Variants in SART3 observed in about 807,000 individuals in gnomAD.
The protein encoded by SART3 is spliceosome associated factor 3, U4/U6 recycling protein, also known as HIV-1 Tat-interacting protein of 110kDa.
A neutral mutation model predicts 122.3 loss-of-function variants in SART3; 44 were observed. The ratio of observed to expected loss-of-function variants is 0.36; its 90% CI spans 0.28 to 0.46. The LOEUF is 0.46. Among genes scored for constraint, SART3 ranks in the 20% least tolerant of loss-of-function variants. SART3 has a pLI of 1.00. For synonymous variants in SART3, 442 were observed against 454.0 expected (o/e 0.97, Z 0.34); for missense variants, 1,101 against 1,229.0 (o/e 0.90, Z 1.56).
chr12:108,539,728 T>C (rs1873075696), intron 6 of SART3, among the ~76,000 whole-genome samples: 1 of 152,058 alleles, frequency 6.6e-6, no homozygotes, highest in African/African-American at 2.4e-5. Flanking sequence ...CATTTACACA[T>C]GAAAAAGAAA....
chr12:108,532,635 G>C (rs1044725934), intron 12 of SART3: 2 of 373,724 alleles, frequency 5.4e-6, no homozygotes, highest in Non-Finnish European at 1.0e-5. Flanking sequence ...GGCACATGGC[G>C]GGGGAGTCCA....
chr12:108,544,133 T>A (rs542627095), intron 5 of SART3, among the ~76,000 whole-genome samples: 1 of 152,336 alleles, frequency 6.6e-6, no homozygotes, highest in East Asian at 1.9e-4. Flanking sequence ...ACTATTCCTT[T>A]CAGAGACCCT....
intron 1 of SART3, among the ~76,000 whole-genome samples, chr12:108,558,926 G>C (rs1044374256): frequency 6.6e-6 from 1 of 151,724 alleles, no homozygotes; most frequent in African/African-American, 2.4e-5. Flanking sequence ...CCAGCTACTC[G>C]GGGGGCTGAG....
intron 1 of SART3, among the ~76,000 whole-genome samples, chr12:108,558,055 G>A (rs1334017393): frequency 6.6e-6 from 1 of 152,058 alleles, no homozygotes. Context: ...TGTAGTCCGA[G>A]ATACTTTGGA....
chr12:108,528,940 G>A lies in SART3; in HGVS notation c.1915+1202C>T, dbSNP rs560528852. ...AGTTCAAGACCAGCCTGGCCAACAT[G>A]GCGAAACCTGATCTCTACTAAAAAT... On this transcript the variant is annotated intron_variant, in intron 15 of 18. Transcript: ENST00000546815. Among the ~76,000 whole-genome samples, 5 of 152,260 alleles carry A rather than the reference G, an allele frequency of 3.3e-5. No individual in the cohort carries two copies. In the East Asian group the frequency reaches 9.6e-4, roughly 29 times the overall value.
At chr12:108,550,455 A>C (rs2029959384) in intron 1 of SART3, among the ~76,000 whole-genome samples, 1 of 152,242 alleles carries the variant, frequency 6.6e-6, no homozygotes, top group East Asian at 1.9e-4. Flanking sequence ...AGATTCCCTC[A>C]CTTCATTCAA....
intron 1 of SART3, among the ~76,000 whole-genome samples, chr12:108,551,570 C>G (rs1040682397): frequency 2.6e-5 from 4 of 152,036 alleles, no homozygotes; most frequent in Non-Finnish European, 5.9e-5. Context: ...CTAGGCAGAA[C>G]AGGGTTATAG....
chr12:108,548,281 A>G lies in SART3; in HGVS notation c.440-290T>C, dbSNP rs142781325. 1.6e-4 allele frequency among the ~76,000 whole-genome samples: 24 copies of G among 152,388 alleles called. No homozygotes were observed. The East Asian group carries it at 4.6e-3, about 29-fold the overall frequency. ...ATCCTGTAAGGTTGGTGATAGTAAC[A>G]CTAATAATAATGACATCTATCTAAG... On this transcript the variant is annotated intron_variant, in intron 2 of 18. Transcript: ENST00000546815.
intron 1 of SART3, among the ~76,000 whole-genome samples, chr12:108,554,987 A>T (rs1457934799): frequency 1.3e-5 from 2 of 152,240 alleles, no homozygotes; most frequent in Non-Finnish European, 2.9e-5. Flanking sequence ...ATACTGTATG[A>T]TTCCACTTAT....
intron 18 of SART3, 91 bp downstream of exon 18, chr12:108,524,225 A>C (rs1320823618): frequency 1.8e-6 from 2 of 1,096,012 alleles, no homozygotes; most frequent in Non-Finnish European, 2.8e-6. Flanking sequence ...CCTAACAGGA[A>C]GCTAATTCAT....
chr12:108,549,295 T>G, intron 1 of SART3, 81 bp from the exon 2 acceptor site: 3 of 1,428,826 alleles, frequency 2.1e-6, no homozygotes, highest in Non-Finnish European at 2.9e-6. Context: ...TAACTACACA[T>G]ATACCTGCCA....
rs766124897 is a variant in SART3 at position 108,526,179 on chromosome 12, C to G, written c.2290G>C (p.Glu764Gln). The change falls in exon 16 of 19, where the codon GAG becomes CAG. Residue 764 changes from glutamate (E) to glutamine (Q), a missense_variant. Physicochemically the swap from Glu to Gln is conservative, Grantham distance 29. Around this residue, in one of 2 missense-constraint regions of SART3, gnomAD observed 885 missense variants for 1,080.1 expected, o/e 0.82. Transcript: ENST00000546815. ...CCTTCTACACTTTTCCGGTCCATCT[C>G]CAGTGCCTGAAGGGCTGATTTCTCT... ...KEEKSALQAL[E>Q]MDRKSVEGRP... 1 of 1,614,244 alleles carries G rather than the reference C, an allele frequency of 6.2e-7. No individual in the cohort carries two copies. Among genetic ancestry groups the G allele is most frequent in the East Asian group, 2.2e-5 (1 of 44,888 alleles).
In SART3 at chr12:108,549,221, G is replaced by C; in HGVS notation, c.313-7C>G. The stretch of plus-strand genomic sequence containing the variant: ...CATAGACGTTGATAGACAACTAACA[G>C]GAAAAGAAACAAGTTGAAATTTAAA... On this transcript the variant is annotated splice_region_variant and splice_polypyrimidine_tract_variant and intron_variant, in intron 1 of 18. Transcript: ENST00000546815. 1 of 1,614,016 alleles carries C rather than the reference G, an allele frequency of 6.2e-7. No homozygotes were observed. The highest frequency in any genetic ancestry group is 8.5e-7 in the Non-Finnish European group (1 of 1,179,942).
chr12:108,554,131 C>CCCCCCCCCCCCACCCCCGCCCCCGA (rs1555206479), intron 1 of SART3: 2 of 143,432 alleles, frequency 1.4e-5, no homozygotes, highest in Non-Finnish European at 1.5e-5. Context: ...TCAGAGGGCG[C>CCCCCCCCCCCCACCCCCGCCCCCGA]CCCCGGCCCC....
At chr12:108,534,637 T>C (rs1281005245) in intron 12 of SART3, among the ~76,000 whole-genome samples, 4 of 152,186 alleles carry the variant, frequency 2.6e-5, no homozygotes, top group Non-Finnish European at 2.9e-5. Context: ...ACTGCACCAC[T>C]GCACTTCAGC....
chr12:108,559,523 G>A (rs766232676), intron 1 of SART3, among the ~76,000 whole-genome samples: 67 of 152,088 alleles, frequency 4.4e-4, no homozygotes, highest in African/African-American at 1.2e-3. Flanking sequence ...GAAATCAGCC[G>A]GGCGCAATGG....
At chr12:108,548,103 T>C in intron 2 of SART3, 112 bp from the exon 3 acceptor site, 1 of 913,566 alleles carries the variant, frequency 1.1e-6, no homozygotes. Flanking sequence ...CAACCTGGCG[T>C]TGTTTCCAGA....
intron 17 of SART3, 131 bp from the exon 18 acceptor site, chr12:108,524,637 G>C: frequency 2.6e-6 from 2 of 766,266 alleles, no homozygotes; most frequent in Non-Finnish European, 4.5e-6. Context: ...CCACCAACAG[G>C]TTACCTTCCC....
intron 6 of SART3, among the ~76,000 whole-genome samples, chr12:108,542,592 A>T (rs1340144764): frequency 1.3e-5 from 2 of 152,246 alleles, no homozygotes; most frequent in Non-Finnish European, 2.9e-5. Flanking sequence ...ACTTAGCAAC[A>T]TGAGTAAAAC....
Sources: gnomAD v4.1 joint callset for allele counts (sites outside exome capture counted in the v4.1 genomes callset) on GRCh38, gnomAD v4.1.1 for gene constraint, gnomAD v4.1.1 regional missense constraint, MANE v1.5 for transcripts, NCBI Gene and HGNC (gene_info 2026-07-23, HGNC 2026-07-21) for gene names.